The following RPH3A variants were observed in gnomAD, a reference collection of about 807,000 sequenced individuals.
The protein encoded by RPH3A is rabphilin 3A.
RPH3A carries 48 observed loss-of-function variants against 102.2 expected under a neutral mutation model. The observed-to-expected ratio is 0.47, with a 90% confidence interval of 0.37 to 0.60. The LOEUF (loss-of-function observed/expected upper bound fraction) is 0.60. Ranked by LOEUF, RPH3A falls within the 20% of genes least tolerant of loss-of-function variation. The probability of loss-of-function intolerance (pLI) is 0.00; values close to 1 mark genes in which losing one functional copy is unlikely to be tolerated. For missense variants in RPH3A, 781 were observed against 910.1 expected, an observed-to-expected ratio of 0.86 and a Z score of 1.83; for synonymous variants, 310 against 324.3, an observed-to-expected ratio of 0.96 and a Z score of 0.47.
chr12:112,742,358 C>A (rs1450627732), intron 1 of RPH3A, among the ~76,000 whole-genome samples: 1 of 152,038 alleles, frequency 6.6e-6, no homozygotes, highest in African/African-American at 2.4e-5. Context: ...TCTGAAGAAG[C>A]ATCCACAGCA....
chr12:112,823,092 G>A (rs565303621), intron 2 of RPH3A, among the ~76,000 whole-genome samples: 31 of 152,306 alleles, frequency 2.0e-4, no homozygotes, highest in African/African-American at 7.0e-4. Context: ...TCTCAGTGTA[G>A]CCTGGGAGAG....
intron 1 of RPH3A, among the ~76,000 whole-genome samples, chr12:112,689,406 T>C (rs933664570): frequency 1.3e-5 from 2 of 152,244 alleles, no homozygotes; most frequent in South Asian, 2.1e-4. Context: ...TTATAAGTAC[T>C]GTATGGGTAA....
At chr12:112,651,363 C>T (rs938689971) in intron 1 of RPH3A, among the ~76,000 whole-genome samples, 4 of 148,874 alleles carry the variant, frequency 2.7e-5, no homozygotes, top group South Asian at 2.1e-4. Flanking sequence ...AGTAAGACCT[C>T]GTTACCAAAA....
At chr12:112,643,215 T>C (rs1437764146) in intron 1 of RPH3A, among the ~76,000 whole-genome samples, 1 of 152,192 alleles carries the variant, frequency 6.6e-6, no homozygotes, top group Non-Finnish European at 1.5e-5. Flanking sequence ...CCTATGAGGA[T>C]GAAGAGGTCT....
At chr12:112,847,306 C>T (rs1237427107) in intron 4 of RPH3A, among the ~76,000 whole-genome samples, 1 of 152,184 alleles carries the variant, frequency 6.6e-6, no homozygotes, top group Admixed American at 6.5e-5. Flanking sequence ...TTTTAAAAAG[C>T]TATGTGGCCC....
At chr12:112,887,717 A>G (rs533640268) in intron 16 of RPH3A, 80 bp from the exon 17 acceptor site, 7 of 1,449,242 alleles carry the variant, frequency 4.8e-6, no homozygotes, top group African/African-American at 1.4e-5. Context: ...CCTTACCAGT[A>G]TCAGCTGCAA....
intron 1 of RPH3A, among the ~76,000 whole-genome samples, chr12:112,767,387 C>G (rs1386053659): frequency 6.6e-6 from 1 of 152,162 alleles, no homozygotes; most frequent in Non-Finnish European, 1.5e-5. Context: ...TGGCATCACC[C>G]AGGATGAGAA....
At chr12:112,615,073 T>C (rs1426880526) in intron 1 of RPH3A, among the ~76,000 whole-genome samples, 1 of 152,210 alleles carries the variant, frequency 6.6e-6, no homozygotes, top group Non-Finnish European at 1.5e-5. Flanking sequence ...TATACTACTT[T>C]ATACTGGGGG....
chr12:112,764,459 G>A (rs780961467), intron 1 of RPH3A, among the ~76,000 whole-genome samples: 1 of 152,122 alleles, frequency 6.6e-6, no homozygotes, highest in Non-Finnish European at 1.5e-5. Context: ...GAAGGTATAA[G>A]ACTCAGTTAA....
intron 1 of RPH3A, among the ~76,000 whole-genome samples, chr12:112,691,648 C>T (rs2040308085): frequency 6.6e-6 from 1 of 152,194 alleles, no homozygotes; most frequent in South Asian, 2.1e-4. Context: ...TTTACCTTCC[C>T]TTAGCCTTAG....
At chr12:112,813,576 G>A (rs193265410) in intron 2 of RPH3A, among the ~76,000 whole-genome samples, 10 of 152,278 alleles carry the variant, frequency 6.6e-5, no homozygotes, top group Non-Finnish European at 1.2e-4. Context: ...GGCAGAAAGC[G>A]TACTTCCTGT....
At chr12:112,677,605 G>A (rs895757375) in intron 1 of RPH3A, among the ~76,000 whole-genome samples, 18 of 151,670 alleles carry the variant, frequency 1.2e-4, no homozygotes, top group Admixed American at 5.9e-4. Context: ...CTGCGAGCCT[G>A]TAATGTTCTA....
intron 4 of RPH3A, among the ~76,000 whole-genome samples, chr12:112,847,162 GC>G (rs777086684): frequency 1.4e-4 from 22 of 152,104 alleles, no homozygotes; most frequent in Admixed American, 3.9e-4. Context: ...GTCAGTGTTC[GC>G]TTAAAAAGAA....
chr12:112,893,184 T>C (rs1438194044), intron 19 of RPH3A: 1 of 151,956 alleles, frequency 6.6e-6, no homozygotes, highest in Non-Finnish European at 1.5e-5. Context: ...GGTGCAGTTA[T>C]GGGAGAAAAA....
At chr12:112,861,199 C>T (rs2042507147) in intron 5 of RPH3A, among the ~76,000 whole-genome samples, 1 of 152,176 alleles carries the variant, frequency 6.6e-6, no homozygotes, top group South Asian at 2.1e-4. Flanking sequence ...TTGACAACCA[C>T]CAATGCAACC....
intron 1 of RPH3A, among the ~76,000 whole-genome samples, chr12:112,717,263 A>G (rs781184552): frequency 3.3e-5 from 5 of 152,098 alleles, no homozygotes; most frequent in Non-Finnish European, 5.9e-5. Context: ...CACTACCTCA[A>G]TCAAGATACA....
chr12:112,737,177 A>T (rs1484994667), intron 1 of RPH3A, among the ~76,000 whole-genome samples: 3 of 151,728 alleles, frequency 2.0e-5, no homozygotes, highest in Non-Finnish European at 4.4e-5. Flanking sequence ...AACAAAATAA[A>T]AAAAAAACAA....
chr12:112,879,244 A>T (rs774919793), intron 14 of RPH3A, 46 bp downstream of exon 14: 2 of 1,538,586 alleles, frequency 1.3e-6, no homozygotes, highest in East Asian at 2.3e-5. Context: ...ATGCTCTGGC[A>T]TGGCTAGGAG....
intron 1 of RPH3A, among the ~76,000 whole-genome samples, chr12:112,702,638 A>G (rs955983137): frequency 6.6e-6 from 1 of 152,218 alleles, no homozygotes; most frequent in Non-Finnish European, 1.5e-5. Flanking sequence ...TGAGGAGTAA[A>G]GAAGAGTGAC....
Sources: gnomAD v4.1 joint callset for allele counts (sites outside exome capture counted in the v4.1 genomes callset) on GRCh38, gnomAD v4.1.1 for gene constraint, MANE v1.5 for transcripts, NCBI Gene and HGNC (gene_info 2026-07-23, HGNC 2026-07-21) for gene names.